The following FAF1 variants were observed in gnomAD, a reference collection of about 807,000 sequenced individuals.
FAF1 encodes Fas associated factor 1.
In FAF1, 25 loss-of-function variants were observed where a neutral mutation model predicts 92.5. The observed-to-expected ratio is 0.27, with a 90% CI of 0.20 to 0.38. The LOEUF (loss-of-function observed/expected upper bound fraction) is 0.38. Among genes scored for constraint, FAF1 ranks in the 10% least tolerant of loss-of-function variants. The pLI, the probability that FAF1 is intolerant of heterozygous loss-of-function variation, is 1.00. For synonymous variants in FAF1, 234 were observed against 273.2 expected (o/e 0.86, Z 1.42); for missense variants, 636 against 793.3 (o/e 0.80, Z 2.38).
chr1:50,451,924 T>C (rs12565493), intron 18 of FAF1: 69,919 of 1,116,992 alleles, frequency 0.063, 2,317 homozygotes, highest in East Asian at 0.075. Flanking sequence ...TGGCACACTG[T>C]CGGGGACACC....
At chr1:50,590,899 T>C (rs1651470051) in intron 9 of FAF1, among the ~76,000 whole-genome samples, 1 of 151,990 alleles carries the variant, frequency 6.6e-6, no homozygotes. Context: ...GGAGAATCAC[T>C]TGAACCCAGG....
At chr1:50,600,045 G>C (rs928167619) in intron 8 of FAF1, among the ~76,000 whole-genome samples, 4 of 152,152 alleles carry the variant, frequency 2.6e-5, no homozygotes, top group Non-Finnish European at 4.4e-5. Context: ...ACCTGTGATT[G>C]AGTATCCCTA....
intron 4 of FAF1, 102 bp from the exon 5 acceptor site, chr1:50,744,877 C>G (rs1423505413): frequency 1.7e-6 from 1 of 574,740 alleles, no homozygotes; most frequent in African/African-American, 1.9e-5. Flanking sequence ...AGTGTACAGT[C>G]AATGACATTT....
intron 18 of FAF1, chr1:50,452,175 T>C (rs1418086773): frequency 2.2e-6 from 3 of 1,335,184 alleles, no homozygotes; most frequent in Non-Finnish European, 3.0e-6. Flanking sequence ...TGTTTCCCCA[T>C]CCTGGAAAGT....
chr1:50,777,249 A>G (rs1161958392), intron 4 of FAF1, among the ~76,000 whole-genome samples: 1 of 151,724 alleles, frequency 6.6e-6, no homozygotes, highest in Non-Finnish European at 1.5e-5. Context: ...CCATTTCTTC[A>G]AAAAGTGAAA....
intron 4 of FAF1, among the ~76,000 whole-genome samples, chr1:50,787,242 A>G (rs934198049): frequency 2.0e-5 from 3 of 152,176 alleles, no homozygotes; most frequent in African/African-American, 7.2e-5. Context: ...TGATGGAAAC[A>G]TGTCTCATGT....
Position 50,788,039 on chromosome 1 carries a change from T to C in FAF1, c.328A>G (p.Arg110Gly). The change falls in exon 4 of 19, where the codon AGA (arginine) becomes GGA (glycine). Residue 110 changes from arginine to glycine, a missense_variant. This residue lies in a region of FAF1 where 317 missense variants were observed against 342.4 expected (regional missense o/e 0.93). Coordinates refer to ENST00000396153, the MANE Select transcript of FAF1 (RefSeq NM_007051.3). ...MLDFRVEYRD[R>G]NVDVVLEDTC... is the part of the protein sequence containing the mutation. ...TCTTCAAGTACCACATCAACATTTC[T>C]GTCTCTGTATTCAACCCTGAAGTCC... is the stretch of plus-strand genomic sequence containing the variant. 4 of 1,614,160 alleles carry C rather than the reference T, an allele frequency of 2.5e-6. No homozygotes were observed. Among genetic ancestry groups the C allele is most frequent in the Non-Finnish European group, 2.5e-6 (3 of 1,180,012 alleles).
intron 4 of FAF1, among the ~76,000 whole-genome samples, chr1:50,779,628 TA>T (rs1661089355): frequency 2.0e-5 from 3 of 151,614 alleles, no homozygotes; most frequent in African/African-American, 4.8e-5. Flanking sequence ...TACAAAATTT[TA>T]AAAAATATAA....
At chr1:50,670,471 T>C (rs1310939416) in intron 7 of FAF1, among the ~76,000 whole-genome samples, 4 of 152,092 alleles carry the variant, frequency 2.6e-5, no homozygotes, top group Non-Finnish European at 5.9e-5. Context: ...AAGTAGAAAA[T>C]ATAGAGCAAC....
chr1:50,530,238 GGTGTGTGTGTGTGTGTGTGT>G (rs72220248), intron 15 of FAF1, among the ~76,000 whole-genome samples: 2 of 141,590 alleles, frequency 1.4e-5, no homozygotes, highest in African/African-American at 5.2e-5. Context: ...TTTAAGAAGT[GGTGTGTGTGTGTGTGTGTGT>G]GTGTGTGTGT....
In FAF1 at chr1:50,566,984, T is replaced by G. The variant is rs984008116; in HGVS notation, c.1268+93A>C. On this transcript the variant is annotated intron_variant, in intron 13 of 18. Transcript: ENST00000396153. ...TGAAATGCAATGGTAGAGAGTTTAA[T>G]GCTGAGGATGAAAAATGTTTATGAT... is the stretch of plus-strand genomic sequence containing the variant. The G allele has an allele frequency of 1.2e-5, 12 of 960,366 alleles. No homozygotes were observed. In the African/African-American group the frequency reaches 1.6e-4, roughly 13 times the overall value. 59.5% of individuals were successfully genotyped at this position (960,366 alleles called of 1,614,324 possible). A position where few individuals can be genotyped will look rare whatever the true frequency, so the allele number is the denominator to read the frequency against.
At chr1:50,748,408 A>T (rs983081699) in intron 4 of FAF1, among the ~76,000 whole-genome samples, 1 of 152,018 alleles carries the variant, frequency 6.6e-6, no homozygotes, top group African/African-American at 2.4e-5. Context: ...GAGGCAGGAG[A>T]ATCACTTGAA....
At chr1:50,702,460 T>TTAC (rs1049073261) in intron 7 of FAF1, among the ~76,000 whole-genome samples, 3 of 151,864 alleles carry the variant, frequency 2.0e-5, no homozygotes, top group African/African-American at 7.3e-5. Context: ...TATCACAGAG[T>TTAC]TACTGTCACA....
intron 2 of FAF1, among the ~76,000 whole-genome samples, chr1:50,820,710 T>G (rs1406181522): frequency 6.6e-6 from 1 of 152,190 alleles, no homozygotes; most frequent in Admixed American, 6.5e-5. Context: ...AGTTTGACAC[T>G]TTTAGGTTCT....
At chr1:50,616,990 A>AT (rs1446692270) in intron 8 of FAF1, among the ~76,000 whole-genome samples, 1 of 152,122 alleles carries the variant, frequency 6.6e-6, no homozygotes, top group African/African-American at 2.4e-5. Flanking sequence ...CTGTACATTG[A>AT]TTTTATATCC....
At chr1:50,681,218 T>C (rs1656406533) in intron 7 of FAF1, among the ~76,000 whole-genome samples, 2 of 152,010 alleles carry the variant, frequency 1.3e-5, no homozygotes, top group Admixed American at 1.3e-4. Context: ...AGCTAATTTT[T>C]GTATTTTTAG....
At chr1:50,618,872 C>T (rs1322048622) in intron 8 of FAF1, among the ~76,000 whole-genome samples, 1 of 151,990 alleles carries the variant, frequency 6.6e-6, no homozygotes, top group African/African-American at 2.4e-5. Context: ...CCTCAGCCTC[C>T]TGGGTAGCTG....
intron 8 of FAF1, among the ~76,000 whole-genome samples, chr1:50,621,450 A>AGTG (rs1273244391): frequency 1.7e-5 from 2 of 118,302 alleles, no homozygotes; most frequent in Non-Finnish European, 3.2e-5. Flanking sequence ...CCCAAGCTGG[A>AGTG]GTGTAGTGGC....
intron 7 of FAF1, among the ~76,000 whole-genome samples, chr1:50,687,866 T>C (rs1656739902): frequency 6.6e-6 from 1 of 151,876 alleles, no homozygotes; most frequent in Admixed American, 6.6e-5. Flanking sequence ...AAACACGCGG[T>C]GGCTCACGCC....
Sources: gnomAD v4.1 joint callset for allele counts (sites outside exome capture counted in the v4.1 genomes callset) on GRCh38, gnomAD v4.1.1 for gene constraint, gnomAD v4.1.1 regional missense constraint, MANE v1.5 for transcripts, NCBI Gene and HGNC (gene_info 2026-07-23, HGNC 2026-07-21) for gene names.